CFAP95: variants seen among roughly 807,000 people sequenced by gnomAD.
The protein encoded by CFAP95 is cilia- and flagella-associated protein 95.
At chr9:69,857,892 AT>A in the CFAP95 span, 1 of 1,611,140 alleles carries the variant, frequency 6.2e-7, no homozygotes, top group African/African-American at 1.3e-5. Flanking sequence ...TTCTAAAAAA[AT>A]GTTATCTTGT....
the CFAP95 span, among the ~76,000 whole-genome samples, chr9:69,900,666 C>T: frequency 6.6e-6 from 1 of 152,206 alleles, no homozygotes; most frequent in Non-Finnish European, 1.5e-5. Context: ...ATGGTCGGCT[C>T]TGCAGCCCCT....
chr9:69,868,055 T>C, the CFAP95 span, among the ~76,000 whole-genome samples: 1 of 152,344 alleles, frequency 6.6e-6, no homozygotes, highest in East Asian at 1.9e-4. Context: ...TATATGGCCA[T>C]TTCTTCTGAT....
the CFAP95 span, among the ~76,000 whole-genome samples, chr9:69,900,167 G>A: frequency 1.3e-5 from 2 of 152,038 alleles, no homozygotes; most frequent in African/African-American, 4.8e-5. Flanking sequence ...TACACCCACA[G>A]CTGTGAGTCC....
At chr9:69,830,167 A>T in the CFAP95 span, among the ~76,000 whole-genome samples, 5 of 152,172 alleles carry the variant, frequency 3.3e-5, no homozygotes, top group Non-Finnish European at 7.3e-5. Context: ...TATATAACTT[A>T]CATCTTGATC....
At chr9:69,900,346 A>G in the CFAP95 span, among the ~76,000 whole-genome samples, 1 of 152,200 alleles carries the variant, frequency 6.6e-6, no homozygotes, top group East Asian at 1.9e-4. Flanking sequence ...AATGGCATCC[A>G]GATACATGAA....
At chr9:69,879,291 A>G in the CFAP95 span, among the ~76,000 whole-genome samples, 1 of 152,154 alleles carries the variant, frequency 6.6e-6, no homozygotes, top group Non-Finnish European at 1.5e-5. Context: ...TAAGAATTCA[A>G]TTTCCTTTGG....
At chr9:69,837,020 G>A in the CFAP95 span, among the ~76,000 whole-genome samples, 1 of 151,354 alleles carries the variant, frequency 6.6e-6, no homozygotes, top group Non-Finnish European at 1.5e-5. Context: ...TGAGAATGAT[G>A]ATTTCCAATT....
chr9:69,869,578 T>C, the CFAP95 span, among the ~76,000 whole-genome samples: 1 of 152,154 alleles, frequency 6.6e-6, no homozygotes, highest in African/African-American at 2.4e-5. Flanking sequence ...TACTTGAAAT[T>C]TGATAAGAAA....
chr9:69,845,186 A>G, the CFAP95 span, among the ~76,000 whole-genome samples: 26 of 152,186 alleles, frequency 1.7e-4, no homozygotes, highest in Admixed American at 5.2e-4. Context: ...AGTTACAAGA[A>G]AAATATTTAT....
the CFAP95 span, among the ~76,000 whole-genome samples, chr9:69,835,126 C>T: frequency 2.6e-5 from 4 of 152,162 alleles, no homozygotes; most frequent in Non-Finnish European, 5.9e-5. Context: ...TTATAAAAAT[C>T]TAATAGGAAA....
chr9:69,854,782 T>A, the CFAP95 span, among the ~76,000 whole-genome samples: 1 of 152,344 alleles, frequency 6.6e-6, no homozygotes, highest in South Asian at 2.1e-4. Flanking sequence ...TGTGATTTCC[T>A]CCCTGTAGGA....
chr9:69,871,312 G>T, the CFAP95 span, among the ~76,000 whole-genome samples: 4 of 152,192 alleles, frequency 2.6e-5, no homozygotes, highest in African/African-American at 7.2e-5. Flanking sequence ...TTGCAGTGAT[G>T]ACAGCTAAAG....
chr9:69,858,543 G>A, the CFAP95 span, among the ~76,000 whole-genome samples: 1 of 152,190 alleles, frequency 6.6e-6, no homozygotes, highest in Non-Finnish European at 1.5e-5. Context: ...GAAAACACAT[G>A]TGTTAGACAA....
chr9:69,894,804 G>A, the CFAP95 span, among the ~76,000 whole-genome samples: 1 of 152,158 alleles, frequency 6.6e-6, no homozygotes, highest in Admixed American at 6.5e-5. Context: ...GATCACACCT[G>A]TATTCCCAGT....
chr9:69,886,875 C>T, the CFAP95 span: 4 of 1,612,872 alleles, frequency 2.5e-6, no homozygotes, highest in Admixed American at 5.0e-5. Context: ...TTATGTTCCA[C>T]CATATGATTA....
the CFAP95 span, among the ~76,000 whole-genome samples, chr9:69,821,471 C>T: frequency 6.6e-6 from 1 of 152,036 alleles, no homozygotes; most frequent in Non-Finnish European, 1.5e-5. Flanking sequence ...AAAGGGGGTG[C>T]TGTCAGAGGC....
chr9:69,875,993 AT>A, the CFAP95 span, among the ~76,000 whole-genome samples: 15 of 152,288 alleles, frequency 9.8e-5, no homozygotes, highest in Non-Finnish European at 2.2e-4. Context: ...AAATATTACA[AT>A]TATAAATCAC....
At chr9:69,837,779 T>A in the CFAP95 span, among the ~76,000 whole-genome samples, 13 of 152,238 alleles carry the variant, frequency 8.5e-5, no homozygotes, top group Admixed American at 1.3e-4. Flanking sequence ...CCATTGCTTT[T>A]GGTGTTTTAG....
the CFAP95 span, among the ~76,000 whole-genome samples, chr9:69,866,947 G>A: frequency 6.6e-6 from 1 of 152,176 alleles, no homozygotes; most frequent in African/African-American, 2.4e-5. Context: ...TAGCTTGGCT[G>A]GTACTGAGTG....
Sources: gnomAD v4.1 joint callset for allele counts (sites outside exome capture counted in the v4.1 genomes callset) on GRCh38, gnomAD v4.1.1 for gene constraint, MANE v1.5 for transcripts, NCBI Gene and HGNC (gene_info 2026-07-23, HGNC 2026-07-21) for gene names.